Variants in CDHR3 observed in about 807,000 individuals in gnomAD.
The protein encoded by CDHR3 is cadherin related family member 3, also known as cadherin-related family member 3.
A neutral mutation model predicts 86.6 loss-of-function variants in CDHR3; 79 were observed. That is an observed-to-expected ratio of 0.91 (90% CI 0.76 to 1.10). The LOEUF (loss-of-function observed/expected upper bound fraction) is 1.10. CDHR3 is among the 50% of genes least tolerant of loss of function. The pLI, the probability that CDHR3 is intolerant of heterozygous loss-of-function variation, is 0.00. For synonymous variants in CDHR3, 421 were observed against 402.4 expected (o/e 1.05, Z -0.55); for missense variants, 1,081 against 1,077.6 (o/e 1.00, Z -0.04).
intron 9 of CDHR3, among the ~76,000 whole-genome samples, chr7:106,014,236 T>C (rs1020831636): frequency 2.0e-5 from 3 of 152,186 alleles, no homozygotes; most frequent in African/African-American, 7.2e-5. Context: ...GTGCCTAGCC[T>C]GCATATGAAT....
intron 5 of CDHR3, among the ~76,000 whole-genome samples, chr7:105,995,835 C>T (rs890900809): frequency 4.6e-5 from 7 of 152,134 alleles, no homozygotes; most frequent in African/African-American, 1.7e-4. Flanking sequence ...GATGACAACA[C>T]ATTGGCCTTG....
intron 8 of CDHR3, among the ~76,000 whole-genome samples, chr7:106,010,112 T>C (rs1834568823): frequency 6.6e-6 from 1 of 152,150 alleles, no homozygotes; most frequent in Non-Finnish European, 1.5e-5. Context: ...TTCGGGACCT[T>C]GGATTCTTTA....
intron 15 of CDHR3, 134 bp from the exon 16 acceptor site, chr7:106,026,547 CT>C: frequency 1.2e-6 from 1 of 845,022 alleles, no homozygotes; most frequent in Admixed American, 1.9e-5. Context: ...TTTCTGGCCC[CT>C]ATCCCTGGCA....
At chr7:106,013,600 G>T (rs765204388) in intron 9 of CDHR3, among the ~76,000 whole-genome samples, 5 of 152,184 alleles carry the variant, frequency 3.3e-5, no homozygotes, top group African/African-American at 4.8e-5. Context: ...CTGCTGGAAG[G>T]TGGTGGGGAA....
At position 106,022,444 on chromosome 7, in the gene CDHR3, C is replaced by G; in HGVS notation, c.2072C>G (p.Pro691Arg). The change falls in exon 14 of 19, where the codon CCC becomes CGC. Residue 691 changes from proline (P) to arginine (R), a missense_variant. Coordinates refer to ENST00000317716, the MANE Select transcript of CDHR3 (RefSeq NM_152750.5). ...CCAACCACTATCATCACCACGACCCCCAGGGTAAGGGCTTTAGGACCTGGA... is the reference window on the plus strand; with the variant it reads ...CCAACCACTATCATCACCACGACCCGCAGGGTAAGGGCTTTAGGACCTGGA... Reference protein sequence around the residue: ...PHPTTIITTTPRPRVTYQVLR... With the variant: ...PHPTTIITTTRRPRVTYQVLR... The G allele has an allele frequency of 1.2e-6, 2 of 1,613,548 alleles. No homozygotes were observed. The highest frequency in any genetic ancestry group is 1.7e-6 in the Non-Finnish European group (2 of 1,179,558).
intron 4 of CDHR3, among the ~76,000 whole-genome samples, chr7:105,986,622 A>T (rs188221651): frequency 2.6e-5 from 4 of 152,236 alleles, no homozygotes; most frequent in Admixed American, 6.5e-5. Context: ...CTGAAGTTCA[A>T]TGAAGAATGG....
In CDHR3 at chr7:106,032,569, A is replaced by G. The variant is rs754327184; in HGVS notation, c.2530A>G (p.Ser844Gly). The G allele has an allele frequency of 8.1e-6, 13 of 1,614,040 alleles. No homozygotes were observed. In the South Asian group the frequency reaches 1.4e-4, roughly 18 times the overall value. Residue 844 changes from serine to glycine, a missense_variant, in exon 19 of 19, where the codon AGT (serine) becomes GGT (glycine). Ser to Gly is a moderately conservative substitution (Grantham distance 56). Coordinates refer to ENST00000317716, the MANE Select transcript of CDHR3 (RefSeq NM_152750.5). ...RSANWEEDEL[S>G]GKAWAEDAGL... ...TGCCAACTGGGAAGAAGATGAGCTG[A>G]GTGGCAAAGCGTGGGCTGAGGATGC...
chr7:106,012,724 T>G, intron 8 of CDHR3, 136 bp from the exon 9 acceptor site: 1 of 911,194 alleles, frequency 1.1e-6, no homozygotes, highest in Non-Finnish European at 1.6e-6. Context: ...GGAGACCAGT[T>G]AGGAGGTGAC....
chr7:105,999,141 T>C (rs1338082724), intron 6 of CDHR3, among the ~76,000 whole-genome samples: 1 of 152,226 alleles, frequency 6.6e-6, no homozygotes, highest in Non-Finnish European at 1.5e-5. Flanking sequence ...CTTTACTGTG[T>C]CAGGGTAGCT....
intron 17 of CDHR3, among the ~76,000 whole-genome samples, chr7:106,029,126 C>T (rs960006251): frequency 3.9e-5 from 6 of 152,000 alleles, no homozygotes; most frequent in African/African-American, 1.2e-4. Flanking sequence ...ATTACAGACA[C>T]GTGCCACCAC....
chr7:105,972,701 A>T lies in CDHR3; in HGVS notation c.47-2143A>T, dbSNP rs555635167. Among the ~76,000 whole-genome samples the T allele has an allele frequency of 2.4e-4, 37 of 152,310 alleles. No homozygotes were observed. In the South Asian group the frequency reaches 7.5e-3, roughly 31 times the overall value. ...CCATACTCTTTCACTCCTGGTTTTT[A>T]CCATAAGAATGCTATAATATCAAAG... On this transcript the variant is annotated intron_variant, in intron 1 of 18. Coordinates refer to ENST00000317716, the MANE Select transcript of CDHR3 (RefSeq NM_152750.5).
chr7:106,022,530 A>C, intron 14 of CDHR3, 82 bp downstream of exon 14: 1 of 1,547,058 alleles, frequency 6.5e-7, no homozygotes. Flanking sequence ...GCCTGGAGGT[A>C]TGTGGGGTGG....
rs77055757 is a variant in CDHR3 at position 105,964,048 on chromosome 7, A to G, written c.46+684A>G. On this transcript the variant is annotated intron_variant, in intron 1 of 18. Transcript: ENST00000317716. ...GGATAATTTACATCTTTGACAAGTT[A>G]TGTAGTAAAATACTTAGAAGAGTGT... Among the ~76,000 whole-genome samples, 880 of 152,334 alleles carry G rather than the reference A, an allele frequency of 5.8e-3. 12 individuals carry two copies. The highest frequency in any genetic ancestry group is 0.02 in the African/African-American group (839 of 41,576).
In CDHR3 at chr7:106,036,142, T is replaced by C. The variant is rs1838905739; in HGVS notation, c.*3445T>C. The C allele has an allele frequency of 6.6e-6, 1 of 152,216 alleles. No individual in the cohort carries two copies. Among genetic ancestry groups the C allele is most frequent in the Non-Finnish European group, 1.5e-5 (1 of 68,036 alleles). 9.4% of individuals were successfully genotyped at this position (152,216 alleles called of 1,614,324 possible). ...TAGATTGTGACATTGGAGCTTTTTG[T>C]TGTGCTCATTAGAAAGCAGGGTCTG... On this transcript the variant is annotated 3_prime_UTR_variant, in exon 19 of 19. Coordinates refer to ENST00000317716, the MANE Select transcript of CDHR3 (RefSeq NM_152750.5).
rs1455951025 is a variant in CDHR3, at chr7:106,035,537, A to G, written c.*2840A>G. 6.6e-6 allele frequency among the ~76,000 whole-genome samples: 1 copy of G among 152,232 alleles called. No homozygotes were observed. Among genetic ancestry groups the G allele is most frequent in the Non-Finnish European group, 1.5e-5 (1 of 68,034 alleles). On this transcript the variant is annotated 3_prime_UTR_variant, in exon 19 of 19. Coordinates refer to ENST00000317716, the MANE Select transcript of CDHR3 (RefSeq NM_152750.5). ...AATGAGGCAACGAAAGAATGAAAGC[A>G]GGGATTTATTGAAAACCAAAGTACA...
intron 1 of CDHR3, among the ~76,000 whole-genome samples, chr7:105,965,168 G>A (rs1267068630): frequency 6.6e-6 from 1 of 152,160 alleles, no homozygotes; most frequent in East Asian, 1.9e-4. Context: ...GACACAAACT[G>A]TTTCTTTTGT....
intron 1 of CDHR3, among the ~76,000 whole-genome samples, chr7:105,970,941 A>G (rs1335148405): frequency 1.3e-5 from 2 of 152,060 alleles, no homozygotes; most frequent in African/African-American, 4.8e-5. Context: ...GGAGATCAAG[A>G]CCATCCTGGC....
Position 105,969,221 on chromosome 7 carries a change from C to T in CDHR3, c.47-5623C>T, listed in dbSNP as rs554146190. ...ACCATCCTGGCTAACACGGTGAAAC[C>T]CCGTCTCTACTAAAAATACAAAAAA... is the stretch of plus-strand genomic sequence containing the variant. On this transcript the variant is annotated intron_variant, in intron 1 of 18. Transcript: ENST00000317716. 4.0e-5 allele frequency among the ~76,000 whole-genome samples: 6 copies of T among 150,058 alleles called. No individual in the cohort carries two copies. In the South Asian group the frequency reaches 1.3e-3, roughly 32 times the overall value.
At chr7:106,012,226 A>G (rs923258750) in intron 8 of CDHR3, among the ~76,000 whole-genome samples, 3 of 152,200 alleles carry the variant, frequency 2.0e-5, no homozygotes, top group Non-Finnish European at 4.4e-5. Flanking sequence ...AATAAATAAG[A>G]GAAATATATG....
Sources: allele counts gnomAD v4.1 joint callset (sites outside exome capture counted in the v4.1 genomes callset), GRCh38; gene constraint gnomAD v4.1.1; transcripts MANE v1.5; gene names NCBI Gene and HGNC (gene_info 2026-07-23, HGNC 2026-07-21).